The following CD46 variants were observed in gnomAD, a reference collection of about 807,000 sequenced individuals.
CD46 encodes membrane cofactor protein.
A neutral mutation model predicts 53.3 loss-of-function variants in CD46; 30 were observed. The observed-to-expected ratio is 0.56, with a 90% CI of 0.42 to 0.76. The LOEUF (loss-of-function observed/expected upper bound fraction) is 0.76, where lower values mean the gene tolerates loss of function less well. Ranked by LOEUF, CD46 falls within the 30% of genes least tolerant of loss-of-function variation. The probability of loss-of-function intolerance (pLI) is 0.00; values close to 1 mark genes in which losing one functional copy is unlikely to be tolerated. For synonymous variants in CD46, 142 were observed against 152.0 expected (o/e 0.93, Z 0.48); for missense variants, 409 against 463.0 (o/e 0.88, Z 1.07).
chr1:207,765,607 A>G (rs1571612131), intron 5 of CD46, among the ~76,000 whole-genome samples: 1 of 152,174 alleles, frequency 6.6e-6, no homozygotes. Context: ...TCTACTCACA[A>G]TGAGATGCCA....
intron 1 of CD46, among the ~76,000 whole-genome samples, chr1:207,756,392 T>C (rs899032206): frequency 1.2e-4 from 18 of 152,224 alleles, no homozygotes; most frequent in African/African-American, 4.1e-4. Context: ...TTGAGCCTTT[T>C]GTTTGACTTA....
chr1:207,782,824 T>G (rs575135506), intron 8 of CD46, among the ~76,000 whole-genome samples: 1 of 150,438 alleles, frequency 6.6e-6, no homozygotes, highest in Non-Finnish European at 1.5e-5. Flanking sequence ...ATTTTTGTTT[T>G]TTTTTTTTTT....
chr1:207,770,023 C>A, intron 7 of CD46: 2 of 329,666 alleles, frequency 6.1e-6, no homozygotes, highest in Admixed American at 4.3e-5. Context: ...GCCTCGGCCT[C>A]CCACAGTGCT....
chr1:207,768,105 T>C (rs1464195373), intron 7 of CD46: 5 of 360,096 alleles, frequency 1.4e-5, no homozygotes, highest in Non-Finnish European at 2.1e-5. Context: ...AGTACCTTCC[T>C]TATTGGGTAT....
At chr1:207,780,287 C>T (rs1658607841) in intron 8 of CD46, among the ~76,000 whole-genome samples, 1 of 151,906 alleles carries the variant, frequency 6.6e-6, no homozygotes, top group African/African-American at 2.4e-5. Context: ...ATATGGCATC[C>T]CACTATTTGT....
In CD46 at chr1:207,761,362, C is replaced by A. The variant is rs761668455; in HGVS notation, c.589C>A (p.Pro197Thr). 7 of 1,613,626 alleles carry A rather than the reference C, an allele frequency of 4.3e-6. No homozygotes were observed. The highest frequency in any genetic ancestry group is 1.7e-5 in the Admixed American group (1 of 60,026). The change falls in exon 5 of 13, where the codon CCA (proline) becomes ACA (threonine). Residue 197 changes from proline (P) to threonine (T), a missense_variant. Coordinates refer to ENST00000367042, the MANE Select transcript of CD46 (RefSeq NM_172351.3). ...VTYSCDPAPGPDPFSLIGEST... is the reference protein window; with the variant it reads ...VTYSCDPAPGTDPFSLIGEST... ...TTATAGTTGTGATCCTGCACCTGGA[C>A]CAGATCCATTTTCACTTATTGGAGA...
chr1:207,781,233 A>G (rs1196799173), intron 8 of CD46, among the ~76,000 whole-genome samples: 1 of 151,080 alleles, frequency 6.6e-6, no homozygotes, highest in Non-Finnish European at 1.5e-5. Context: ...TCATTTGTAT[A>G]TCTTCTTTAG....
In CD46 at chr1:207,756,130, G is replaced by A. The variant is rs41316839; in HGVS notation, c.98-884G>A. 2.2e-3 allele frequency among the ~76,000 whole-genome samples: 330 copies of A among 152,304 alleles called. 2 individuals carry two copies. Among genetic ancestry groups the A allele is most frequent in the African/African-American group, 7.3e-3 (304 of 41,564 alleles). On this transcript the variant is annotated intron_variant, in intron 1 of 12. Coordinates refer to ENST00000367042, the MANE Select transcript of CD46 (RefSeq NM_172351.3). ...GGATTAAGGAAGATGAGTTGAGCAG[G>A]AGTTGTAGCTACCAGCCAGGGAGGA...
At chr1:207,775,381 C>T (rs537171978) in intron 8 of CD46, among the ~76,000 whole-genome samples, 1 of 152,316 alleles carries the variant, frequency 6.6e-6, no homozygotes, top group East Asian at 1.9e-4. Context: ...CTTCTGTTAA[C>T]TCATCAAACT....
intron 8 of CD46, among the ~76,000 whole-genome samples, chr1:207,775,049 A>G (rs927039997): frequency 1.3e-5 from 2 of 152,180 alleles, no homozygotes; most frequent in Admixed American, 6.6e-5. Context: ...GTGTTTTCAC[A>G]TAGTCCCATA....
rs757176505 is a variant in CD46, at chr1:207,761,286, A to G, written c.513A>G (p.Gly171=). 6.2e-7 allele frequency: 1 copy of G among 1,613,084 alleles called. No homozygotes were observed. The highest frequency in any genetic ancestry group is 2.2e-5 in the East Asian group (1 of 44,848). ...LCTPPPKIKN[G]KHTFSEVEVF... is the part of the protein sequence containing the mutation. ...CACCACCTCCAAAAATAAAAAATGG[A>G]AAACACACCTTTAGTGAAGTAGAAG... The change falls in exon 5 of 13, where the codon GGA becomes GGG. Residue 171 remains glycine, a synonymous_variant. Transcript: ENST00000367042.
intron 3 of CD46, 41 bp downstream of exon 3, chr1:207,757,683 T>C (rs762275271): frequency 1.5e-6 from 2 of 1,297,448 alleles, no homozygotes; most frequent in Non-Finnish European, 2.2e-6. Flanking sequence ...GTGTTAGTAA[T>C]TTTATTTTTG....
At position 207,785,174 on chromosome 1, in the gene CD46, A is replaced by C; in HGVS notation, c.1018+68A>C. 2 of 1,226,650 alleles carry C rather than the reference A, an allele frequency of 1.6e-6. 1 individual carries two copies. The highest frequency in any genetic ancestry group is 2.5e-5 in the South Asian group (2 of 80,776). 76.0% of individuals were successfully genotyped at this position (1,226,650 alleles called of 1,614,324 possible). A position where few individuals can be genotyped will look rare whatever the true frequency, so the allele number is the denominator to read the frequency against. ...TTGTGAAGACATGCATTTTAAAAAT[A>C]GTTTTTCAGTTTCTATAGTTTTTTC... On this transcript the variant is annotated intron_variant, in intron 10 of 12. Coordinates refer to ENST00000367042, the MANE Select transcript of CD46 (RefSeq NM_172351.3).
rs943475568 is a variant in CD46, at chr1:207,795,283, G to A, written c.*1806G>A. ...ATATTTATATTAGAGATCTATATAT[G>A]TATAAATATGTATTTTGTCAAATTT... On this transcript the variant is annotated 3_prime_UTR_variant, in exon 13 of 13. Coordinates refer to ENST00000367042, the MANE Select transcript of CD46 (RefSeq NM_172351.3). 3.3e-5 allele frequency: 5 copies of A among 152,036 alleles called. No homozygotes were observed. The South Asian group carries it at 1.0e-3, about 31-fold the overall frequency. 9.4% of individuals were successfully genotyped at this position (152,036 alleles called of 1,614,324 possible).
At chr1:207,790,954 T>C (rs1040865999) in intron 12 of CD46, among the ~76,000 whole-genome samples, 5 of 152,236 alleles carry the variant, frequency 3.3e-5, no homozygotes, top group Admixed American at 6.5e-5. Context: ...CTAGAATGTG[T>C]GTCCGCAGAG....
chr1:207,785,042 C>G, intron 9 of CD46, 29 bp from the exon 10 acceptor site: 1 of 1,595,700 alleles, frequency 6.3e-7, no homozygotes, highest in East Asian at 2.2e-5. Context: ...TCCATGTGTT[C>G]AACATCTTGG....
chr1:207,761,700 G>A (rs933771706), intron 5 of CD46, among the ~76,000 whole-genome samples: 4 of 133,720 alleles, frequency 3.0e-5, no homozygotes, highest in African/African-American at 1.1e-4. Flanking sequence ...TGAGTTAGAA[G>A]TTTTTGTTTG....
Position 207,767,169 on chromosome 1 carries a change from A to G in CD46, c.830A>G (p.Asp277Gly). 1.2e-6 allele frequency: 2 copies of G among 1,613,822 alleles called. No individual in the cohort carries two copies. Among genetic ancestry groups the G allele is most frequent in the Non-Finnish European group, 1.7e-6 (2 of 1,179,704 alleles). Residue 277 changes from aspartate to glycine, a missense_variant, in exon 6 of 13, where the codon GAT (aspartate) becomes GGT (glycine). Asp to Gly is a moderately conservative substitution (Grantham distance 94). Transcript: ENST00000367042. The part of the protein sequence containing the change: ...TIVCDSNSTW[D>G]PPVPKCLKVS... ...GTCTGTGACAGTAACAGTACTTGGG[A>G]TCCCCCAGTTCCAAAGTGTCTTAAA...
At chr1:207,772,808 T>C (rs1431432108) in intron 8 of CD46, among the ~76,000 whole-genome samples, 1 of 152,186 alleles carries the variant, frequency 6.6e-6, no homozygotes, top group Non-Finnish European at 1.5e-5. Context: ...TTGCCAGTAT[T>C]TTGTTGAGGA....
Sources: gnomAD v4.1 joint callset for allele counts (sites outside exome capture counted in the v4.1 genomes callset) on GRCh38, gnomAD v4.1.1 for gene constraint, MANE v1.5 for transcripts, NCBI Gene and HGNC (gene_info 2026-07-23, HGNC 2026-07-21) for gene names.